Variants in MEMO1 observed in about 807,000 individuals in gnomAD.
MEMO1 encodes protein MEMO1.
In MEMO1, 6 loss-of-function variants were observed where a neutral mutation model predicts 45.2. The ratio of observed to expected loss-of-function variants is 0.13; its 90% CI spans 0.07 to 0.26. The LOEUF (loss-of-function observed/expected upper bound fraction) is 0.26, where lower values mean the gene tolerates loss of function less well. Ranked by LOEUF, MEMO1 falls within the 10% of genes least tolerant of loss-of-function variation. The pLI, the probability that MEMO1 is intolerant of heterozygous loss-of-function variation, is 1.00. For synonymous variants in MEMO1, 78 were observed against 124.3 expected (o/e 0.63, Z 2.48); for missense variants, 184 against 370.5 (o/e 0.50, Z 4.13).
chr2:31,973,111 C>G (rs762283155), intron 2 of MEMO1, among the ~76,000 whole-genome samples: 1 of 152,152 alleles, frequency 6.6e-6, no homozygotes, highest in African/African-American at 2.4e-5. Flanking sequence ...ATGTTGAACA[C>G]AGAATTGCCA....
At chr2:32,004,760 C>T (rs1461959209) in intron 2 of MEMO1, among the ~76,000 whole-genome samples, 1 of 152,018 alleles carries the variant, frequency 6.6e-6, no homozygotes, top group African/African-American at 2.4e-5. Flanking sequence ...AACCCCATCT[C>T]TACTAAAAAT....
chr2:31,981,446 T>G (rs779072796), intron 2 of MEMO1, among the ~76,000 whole-genome samples: 1 of 152,242 alleles, frequency 6.6e-6, no homozygotes, highest in Non-Finnish European at 1.5e-5. Context: ...ACTTGTGGCA[T>G]GAAAGCCATG....
intron 2 of MEMO1, among the ~76,000 whole-genome samples, chr2:31,997,216 C>T (rs1201672641): frequency 6.6e-6 from 1 of 151,952 alleles, no homozygotes; most frequent in Non-Finnish European, 1.5e-5. Context: ...ATAGTAAGCC[C>T]CAAACAGGAT....
intron 2 of MEMO1, among the ~76,000 whole-genome samples, chr2:31,986,024 TCA>T (rs1671213786): frequency 6.6e-6 from 1 of 152,162 alleles, no homozygotes; most frequent in Admixed American, 6.6e-5. Flanking sequence ...AATAGATTAT[TCA>T]CAGTCAGTTA....
intron 2 of MEMO1, among the ~76,000 whole-genome samples, chr2:31,970,600 C>A (rs113843261): frequency 6.6e-6 from 1 of 151,066 alleles, no homozygotes. Flanking sequence ...CTCATTGACA[C>A]GCAAAATGCA....
At chr2:31,903,900 A>G (rs923475285) in intron 6 of MEMO1, among the ~76,000 whole-genome samples, 3 of 152,236 alleles carry the variant, frequency 2.0e-5, no homozygotes, top group African/African-American at 4.8e-5. Flanking sequence ...TTTTTATTCT[A>G]CGTCCAGAGA....
intron 2 of MEMO1, among the ~76,000 whole-genome samples, chr2:32,003,539 A>G (rs1673670332): frequency 6.6e-6 from 1 of 152,212 alleles, no homozygotes; most frequent in Admixed American, 6.5e-5. Context: ...TGTTTACTTC[A>G]ACAAAAAAAA....
At chr2:31,973,997 AAGAC>A (rs1669711185) in intron 2 of MEMO1, among the ~76,000 whole-genome samples, 1 of 152,242 alleles carries the variant, frequency 6.6e-6, no homozygotes, top group African/African-American at 2.4e-5. Flanking sequence ...ACAAAGAAAA[AAGAC>A]AATTTAGATA....
At chr2:31,905,898 CTATTTA>C (rs1044646944) in intron 6 of MEMO1, among the ~76,000 whole-genome samples, 1 of 152,098 alleles carries the variant, frequency 6.6e-6, no homozygotes, top group Non-Finnish European at 1.5e-5. Flanking sequence ...TACACTATTT[CTATTTA>C]TTTCTTCCAA....
At chr2:31,998,749 G>T (rs774652345) in intron 2 of MEMO1, among the ~76,000 whole-genome samples, 1 of 151,068 alleles carries the variant, frequency 6.6e-6, no homozygotes, top group Non-Finnish European at 1.5e-5. Flanking sequence ...GCAGTGAGTA[G>T]AGATCATGCC....
intron 2 of MEMO1, among the ~76,000 whole-genome samples, chr2:31,998,860 T>G (rs867396147): frequency 1.3e-5 from 2 of 151,812 alleles, no homozygotes; most frequent in Middle Eastern, 3.5e-3. Context: ...AAATCTCCAG[T>G]CTAGACCACT....
intron 2 of MEMO1, among the ~76,000 whole-genome samples, chr2:31,989,883 G>A (rs562649269): frequency 1.3e-5 from 2 of 152,134 alleles, no homozygotes; most frequent in African/African-American, 2.4e-5. Context: ...TTGGGAGGCC[G>A]AAGTAGACAA....
intron 4 of MEMO1, among the ~76,000 whole-genome samples, chr2:31,929,301 A>G (rs1683594602): frequency 6.6e-6 from 1 of 150,878 alleles, no homozygotes. Flanking sequence ...ATTATTTTTG[A>G]TATTATCCTT....
chr2:32,002,164 A>AGT (rs1461948956), intron 2 of MEMO1, among the ~76,000 whole-genome samples: 1 of 120,644 alleles, frequency 8.3e-6, no homozygotes, highest in Admixed American at 8.2e-5. Context: ...AAAAAAAAAA[A>AGT]AAAAATATAT....
Position 31,907,975 on chromosome 2 carries a change from A to C in MEMO1, c.437+9951T>G, listed in dbSNP as rs1192970769. Among the ~76,000 whole-genome samples, 3 of 152,308 alleles carry C rather than the reference A, an allele frequency of 2.0e-5. No individual in the cohort carries two copies. The East Asian group carries it at 5.8e-4, about 29-fold the overall frequency. ...GAGAGACATCAGAAAAGAGTCTCTTATTCTGTGTATTCTTCAGAAGGTGGT... is the reference window on the plus strand; with the variant it reads ...GAGAGACATCAGAAAAGAGTCTCTTCTTCTGTGTATTCTTCAGAAGGTGGT... On this transcript the variant is annotated intron_variant, in intron 6 of 9. Coordinates refer to ENST00000404530, the MANE Select transcript of MEMO1 (RefSeq NM_001301833.4).
chr2:32,006,036 T>G (rs1030322808), intron 2 of MEMO1, among the ~76,000 whole-genome samples: 3 of 152,160 alleles, frequency 2.0e-5, no homozygotes, highest in Admixed American at 6.5e-5. Context: ...AGAAACAGCA[T>G]GATGTATTTA....
chr2:31,941,415 C>G (rs1337881424), intron 3 of MEMO1, among the ~76,000 whole-genome samples: 1 of 152,168 alleles, frequency 6.6e-6, no homozygotes, highest in African/African-American at 2.4e-5. Flanking sequence ...ACACCCTACC[C>G]ATACTGTCAC....
At chr2:31,923,764 T>G in intron 4 of MEMO1, 1 of 1,520,948 alleles carries the variant, frequency 6.6e-7, no homozygotes, top group Non-Finnish European at 8.8e-7. Flanking sequence ...TATGAAGTGA[T>G]TTTTAAAATA....
At position 31,895,507 on chromosome 2, in the gene MEMO1, T is replaced by C. The variant is rs548810446; in HGVS notation, c.438-3373A>G. Among the ~76,000 whole-genome samples the C allele has an allele frequency of 2.6e-5, 4 of 152,292 alleles. No individual in the cohort carries two copies. In the South Asian group the frequency reaches 8.3e-4, roughly 32 times the overall value. The stretch of plus-strand genomic sequence containing the variant: ...AAAAAATTCAAATGAGTTCACCAGA[T>C]GGTCTGAAGAGCAGATTTGATATTA... On this transcript the variant is annotated intron_variant, in intron 6 of 9. Transcript: ENST00000404530.
Sources: allele counts gnomAD v4.1 joint callset (sites outside exome capture counted in the v4.1 genomes callset), GRCh38; gene constraint gnomAD v4.1.1; transcripts MANE v1.5; gene names NCBI Gene and HGNC (gene_info 2026-07-23, HGNC 2026-07-21).